The following TEX53 variants were observed in gnomAD, a reference collection of about 807,000 sequenced individuals.
TEX53 encodes testis expressed 53, also known as testis-expressed protein 53.
chr9:114,656,748 TAA>T (rs1369753010), intron 1 of TEX53, 116 bp from the exon 2 acceptor site: 2 of 395,472 alleles, frequency 5.1e-6, no homozygotes, highest in Admixed American at 4.4e-5. Context: ...TCTTTAAAAA[TAA>T]AAGTTTGCTT....
At chr9:114,656,759 T>C (rs1827710734) in intron 1 of TEX53, 127 bp from the exon 2 acceptor site, 1 of 394,630 alleles carries the variant, frequency 2.5e-6, no homozygotes, top group Non-Finnish European at 4.5e-6. Context: ...AAAAGTTTGC[T>C]TGTATGAGCT....
chr9:114,657,670 G>A lies in TEX53; in HGVS notation c.105C>T (p.Ser35=). The part of the protein sequence containing the change: ...PRMFEQHHPR[S]FNLNTNSLHS... ...ACACCCACGTCTGGAACCTACTGAA[G>A]GACCGTGGATGATGCTGTTCGAACA... The change falls in exon 1 of 2, where the codon TCC becomes TCT. Residue 35 remains serine (S), a synonymous_variant. Coordinates refer to ENST00000423632, the MANE Select transcript of TEX53 (RefSeq NM_001354645.2). The A allele has an allele frequency of 2.5e-6, 1 of 398,660 alleles. No individual in the cohort carries two copies. Among genetic ancestry groups the A allele is most frequent in the Non-Finnish European group, 4.4e-6 (1 of 226,094 alleles). 24.7% of individuals were successfully genotyped at this position (398,660 alleles called of 1,614,324 possible). A position where few individuals can be genotyped will look rare whatever the true frequency, so the allele number is the denominator to read the frequency against.
At chr9:114,656,779 C>T in intron 1 of TEX53, 147 bp from the exon 2 acceptor site, 1 of 394,074 alleles carries the variant, frequency 2.5e-6, no homozygotes, top group Non-Finnish European at 4.5e-6. Flanking sequence ...TAAGAATGAT[C>T]TCGAGCTGGG....
Position 114,657,730 on chromosome 9 carries a change from C to G in TEX53, c.45G>C (p.Gly15=), listed in dbSNP as rs1827728882. Residue 15 remains glycine (G), a synonymous_variant, in exon 1 of 2, where the codon GGG becomes GGC. Transcript: ENST00000423632. ...TGTGGAAGCCAACAGTGGTGGAAGA[C>G]CCCTCGCTGGTCTTGCGGCAACAAC... The part of the protein sequence containing the change: ...IFCCCRKTSE[G]SSTTVGFHNP... 2.5e-6 allele frequency: 1 copy of G among 398,606 alleles called. No individual in the cohort carries two copies. Among genetic ancestry groups the G allele is most frequent in the Admixed American group, 4.4e-5 (1 of 22,714 alleles). 24.7% of individuals were successfully genotyped at this position (398,606 alleles called of 1,614,324 possible).
At chr9:114,656,654 C>G (rs956391742) in intron 1 of TEX53, 22 bp from the exon 2 acceptor site, 7 of 398,412 alleles carry the variant, frequency 1.8e-5, no homozygotes, top group African/African-American at 1.2e-4. Flanking sequence ...GAGGAATAAA[C>G]TTATCCTGGG....
In TEX53 at chr9:114,656,418, A is replaced by AG. The variant is rs1335593201; in HGVS notation, c.*110dup. On this transcript the variant is annotated 3_prime_UTR_variant, in exon 2 of 2. Transcript: ENST00000423632. The stretch of plus-strand genomic sequence containing the variant: ...TGGCTCAGACGTCTTCTCCTCCTGC[A>AG]GGGGAGTTTCTGAATCAGTCTTCAT... 5.1e-6 allele frequency: 2 copies of AG among 392,944 alleles called. No homozygotes were observed. The highest frequency in any genetic ancestry group is 2.1e-5 in the African/African-American group (1 of 48,414). 24.3% of individuals were successfully genotyped at this position (392,944 alleles called of 1,614,324 possible). A position where few individuals can be genotyped will look rare whatever the true frequency, so the allele number is the denominator to read the frequency against.
In TEX53 at chr9:114,656,556, G is replaced by T. The variant is rs1827708700; in HGVS notation, c.186C>A (p.Leu62=). ...ATGGCCTCCTAAGGATGCACGCCTT[G>T]AGCATCATGCGGTTGTCATAGGGGA... ...PRLPYDNRMM[L]KACILRRP is the part of the protein sequence containing the mutation. The change falls in exon 2 of 2, where the codon CTC becomes CTA. Residue 62 remains leucine (L), a synonymous_variant. Transcript: ENST00000423632. The T allele has an allele frequency of 2.5e-6, 1 of 398,492 alleles. No individual in the cohort carries two copies. Among genetic ancestry groups the T allele is most frequent in the South Asian group, 1.3e-4 (1 of 7,852 alleles). The allele number at this position is 398,492 out of a possible 1,614,324, so 24.7% of individuals were successfully genotyped here.
rs1055110 is a variant in TEX53, at chr9:114,656,449, T to C, written c.*80A>G. 86,831 of 396,854 alleles carry C rather than the reference T, an allele frequency of 0.22. 9,971 individuals are homozygous for C. The highest frequency in any genetic ancestry group is 0.3 in the Middle Eastern group (465 of 1,576). 24.6% of individuals were successfully genotyped at this position (396,854 alleles called of 1,614,324 possible). Reference sequence around the variant, plus strand: ...GTTTCTGAATCAGTCTTCATGACTCTTGTCCACTGCCCTCTTCCTCATGGA... The same window carrying C: ...GTTTCTGAATCAGTCTTCATGACTCCTGTCCACTGCCCTCTTCCTCATGGA... On this transcript the variant is annotated 3_prime_UTR_variant, in exon 2 of 2. Transcript: ENST00000423632.
At chr9:114,657,361 A>G (rs776358011) in intron 1 of TEX53, among the ~76,000 whole-genome samples, 24 of 152,240 alleles carry the variant, frequency 1.6e-4, no homozygotes, top group Non-Finnish European at 3.1e-4. Context: ...GCAGAGGCAG[A>G]GTTTAAACTA....
chr9:114,656,482 C>T lies in TEX53; in HGVS notation c.*47G>A. 2.5e-6 allele frequency: 1 copy of T among 398,374 alleles called. No homozygotes were observed. Among genetic ancestry groups the T allele is most frequent in the Non-Finnish European group, 4.4e-6 (1 of 225,916 alleles). 24.7% of individuals were successfully genotyped at this position (398,374 alleles called of 1,614,324 possible). A position where few individuals can be genotyped will look rare whatever the true frequency, so the allele number is the denominator to read the frequency against. ...TGCCCTCTTCCTCATGGAAGCCCAG[C>T]AGCTGTGCAGCCGCAGGGACCACGT... On this transcript the variant is annotated 3_prime_UTR_variant, in exon 2 of 2. Coordinates refer to ENST00000423632, the MANE Select transcript of TEX53 (RefSeq NM_001354645.2).
At position 114,657,762 on chromosome 9, in the gene TEX53, T is replaced by A. The variant is rs1290953567; in HGVS notation, c.13A>T (p.Ile5Phe). MGSK[I>F]FCCCRKTSEG... ...CTGGTCTTGCGGCAACAACAGAAGA[T>A]CTTGGACCCCATGTTTTGGTGCGCG... Residue 5 changes from isoleucine to phenylalanine, a missense_variant, in exon 1 of 2, where the codon ATC becomes TTC. Coordinates refer to ENST00000423632, the MANE Select transcript of TEX53 (RefSeq NM_001354645.2). 5 of 398,584 alleles carry A rather than the reference T, an allele frequency of 1.3e-5. No individual in the cohort carries two copies. Among genetic ancestry groups the A allele is most frequent in the Admixed American group, 4.4e-5 (1 of 22,712 alleles). 24.7% of individuals were successfully genotyped at this position (398,584 alleles called of 1,614,324 possible).
At chr9:114,657,153 G>A (rs139528463) in intron 1 of TEX53, among the ~76,000 whole-genome samples, 1,637 of 152,320 alleles carry the variant, frequency 0.011, 88 homozygotes, top group South Asian at 0.077. Flanking sequence ...TGGGATTACA[G>A]GCGTGAGCCA....
At chr9:114,656,666 A>G in intron 1 of TEX53, 34 bp from the exon 2 acceptor site, 2 of 398,492 alleles carry the variant, frequency 5.0e-6, no homozygotes, top group Non-Finnish European at 8.9e-6. Context: ...TATCCTGGGT[A>G]AAGGCTTTGA....
At chr9:114,656,989 G>T (rs1382799149) in intron 1 of TEX53, among the ~76,000 whole-genome samples, 1 of 152,092 alleles carries the variant, frequency 6.6e-6, no homozygotes, top group Non-Finnish European at 1.5e-5. Flanking sequence ...CCATTCTCCT[G>T]CCTCAGCCTC....
chr9:114,657,733 C>G lies in TEX53; in HGVS notation c.42G>C (p.Glu14Asp), dbSNP rs1431475963. ...GGAAGCCAACAGTGGTGGAAGACCC[C>G]TCGCTGGTCTTGCGGCAACAACAGA... The part of the protein sequence containing the change: ...KIFCCCRKTS[E>D]GSSTTVGFHN... The change falls in exon 1 of 2, where the codon GAG becomes GAC. Residue 14 changes from glutamate (E) to aspartate (D), a missense_variant. Glu to Asp is a conservative substitution (Grantham distance 45, BLOSUM62 2). Transcript: ENST00000423632. 2 of 398,562 alleles carry G rather than the reference C, an allele frequency of 5.0e-6. No homozygotes were observed. The highest frequency in any genetic ancestry group is 8.8e-6 in the Non-Finnish European group (2 of 226,112). The allele number at this position is 398,562 out of a possible 1,614,324, so 24.7% of individuals were successfully genotyped here.
In TEX53 at chr9:114,656,551, G is replaced by A. The variant is rs970900001; in HGVS notation, c.191C>T (p.Ala64Val). ...TGCTCATGGCCTCCTAAGGATGCAC[G>A]CCTTGAGCATCATGCGGTTGTCATA... The part of the protein sequence containing the change: ...LPYDNRMMLK[A>V]CILRRP Residue 64 changes from alanine (A) to valine (V), a missense_variant, in exon 2 of 2, where the codon GCG (alanine) becomes GTG (valine). By Grantham distance (64) the Ala-to-Val change is moderately conservative (BLOSUM62 0). Coordinates refer to ENST00000423632, the MANE Select transcript of TEX53 (RefSeq NM_001354645.2). 17 of 398,490 alleles carry A rather than the reference G, an allele frequency of 4.3e-5. No homozygotes were observed. The highest frequency in any genetic ancestry group is 1.3e-4 in the South Asian group (1 of 7,858). The allele number at this position is 398,490 out of a possible 1,614,324, so 24.7% of individuals were successfully genotyped here.
Position 114,657,690 on chromosome 9 carries a change from C to T in TEX53, c.85G>A (p.Glu29Lys), listed in dbSNP as rs537695618. Residue 29 changes from glutamate to lysine, a missense_variant, in exon 1 of 2, where the codon GAA becomes AAA. Transcript: ENST00000423632. ...TVGFHNPRMF[E>K]QHHPRSFNLN... ...CTGAAGGACCGTGGATGATGCTGTT[C>T]GAACATTCTTGGATTGTGGAAGCCA... 5.2e-4 allele frequency: 207 copies of T among 398,660 alleles called. 1 individual carries two copies. Among genetic ancestry groups the T allele is most frequent in the Middle Eastern group, 1.3e-3 (2 of 1,588 alleles). 24.7% of individuals were successfully genotyped at this position (398,660 alleles called of 1,614,324 possible).
At chr9:114,657,374 A>G (rs1418314450) in intron 1 of TEX53, among the ~76,000 whole-genome samples, 1 of 152,202 alleles carries the variant, frequency 6.6e-6, no homozygotes, top group African/African-American at 2.4e-5. Flanking sequence ...TTAAACTACC[A>G]TCTAATAAAG....
chr9:114,657,784 C>G lies in TEX53; in HGVS notation c.-10G>C, dbSNP rs1007018921. ...AGATCTTGGACCCCATGTTTTGGTGCGCGGTGGGAGGAGGAAAGGGCACTG... is the reference window on the plus strand; with the variant it reads ...AGATCTTGGACCCCATGTTTTGGTGGGCGGTGGGAGGAGGAAAGGGCACTG... On this transcript the variant is annotated 5_prime_UTR_variant, in exon 1 of 2. Coordinates refer to ENST00000423632, the MANE Select transcript of TEX53 (RefSeq NM_001354645.2). The G allele has an allele frequency of 5.0e-6, 2 of 398,820 alleles. No individual in the cohort carries two copies. 24.7% of individuals were successfully genotyped at this position (398,820 alleles called of 1,614,324 possible). A position where few individuals can be genotyped will look rare whatever the true frequency, so the allele number is the denominator to read the frequency against.
Sources: allele counts gnomAD v4.1 joint callset (sites outside exome capture counted in the v4.1 genomes callset), GRCh38; gene constraint gnomAD v4.1.1; transcripts MANE v1.5; gene names NCBI Gene and HGNC (gene_info 2026-07-23, HGNC 2026-07-21).